SPICE1: variants seen among roughly 807,000 people sequenced by gnomAD.
SPICE1 encodes spindle and centriole-associated protein 1.
Under a neutral mutation model 102.7 loss-of-function variants are expected in SPICE1, and 75 were observed. The ratio of observed to expected loss-of-function variants is 0.73; its 90% CI spans 0.61 to 0.88. The LOEUF (loss-of-function observed/expected upper bound fraction) is 0.88. Ranked by LOEUF, SPICE1 falls within the 40% of genes least tolerant of loss-of-function variation. The pLI is 0.00. For missense variants in SPICE1, 979 were observed against 1,020.1 expected, an observed-to-expected ratio of 0.96 and a Z score of 0.55; for synonymous variants, 308 against 350.3, an observed-to-expected ratio of 0.88 and a Z score of 1.35.
intron 4 of SPICE1, among the ~76,000 whole-genome samples, chr3:113,495,159 A>T (rs1936855107): frequency 6.6e-6 from 1 of 152,204 alleles, no homozygotes; most frequent in African/African-American, 2.4e-5. Flanking sequence ...CATAATTAAA[A>T]GTAAGGCCAC....
intron 4 of SPICE1, 40 bp from the exon 5 acceptor site, chr3:113,494,182 T>C (rs1936824120): frequency 1.1e-5 from 16 of 1,395,330 alleles, no homozygotes; most frequent in Non-Finnish European, 1.5e-5. Context: ...ATTCAGATTA[T>C]ATTTACTTTT....
chr3:113,499,678 TA>T, intron 3 of SPICE1, 96 bp from the exon 4 acceptor site: 1 of 1,276,854 alleles, frequency 7.8e-7, no homozygotes, highest in Non-Finnish European at 1.0e-6. Context: ...CATCACTTTT[TA>T]AACTTTTTCT....
intron 1 of SPICE1, among the ~76,000 whole-genome samples, chr3:113,510,700 C>T (rs151233087): frequency 1.2e-4 from 18 of 152,218 alleles, no homozygotes; most frequent in African/African-American, 3.9e-4. Context: ...TCAGCACATA[C>T]ACACAGGCAA....
intron 17 of SPICE1, among the ~76,000 whole-genome samples, chr3:113,445,652 T>C (rs1935495011): frequency 2.6e-5 from 4 of 152,184 alleles, no homozygotes; most frequent in African/African-American, 4.8e-5. Context: ...AAGGCAGTTA[T>C]TTGGTCTTAG....
intron 4 of SPICE1, 23 bp from the exon 5 acceptor site, chr3:113,494,165 T>C (rs1216439786): frequency 6.8e-7 from 1 of 1,468,444 alleles, no homozygotes; most frequent in East Asian, 2.3e-5. Flanking sequence ...TAATGACAAA[T>C]ATTATTATTC....
chr3:113,499,590 GA>G lies in SPICE1; in HGVS notation c.148-9del. On this transcript the variant is annotated splice_polypyrimidine_tract_variant and intron_variant, in intron 3 of 17. Transcript: ENST00000295872. ...TATTTCATGACGGCGTACCTATACAGAAGAGAAAAGTACATAAAGGAATGTT... is the reference window on the plus strand; with the variant it reads ...TATTTCATGACGGCGTACCTATACAGAGAGAAAAGTACATAAAGGAATGTT... 6.3e-7 allele frequency: 1 copy of G among 1,586,274 alleles called. No individual in the cohort carries two copies. Among genetic ancestry groups the G allele is most frequent in the Non-Finnish European group, 8.6e-7 (1 of 1,168,184 alleles).
chr3:113,454,912 T>C (rs1314987413), intron 13 of SPICE1, among the ~76,000 whole-genome samples: 1 of 152,048 alleles, frequency 6.6e-6, no homozygotes. Flanking sequence ...GACACCACAA[T>C]CTTACACAAA....
chr3:113,450,777 C>A (rs781477064), intron 14 of SPICE1, among the ~76,000 whole-genome samples: 1 of 152,022 alleles, frequency 6.6e-6, no homozygotes, highest in Non-Finnish European at 1.5e-5. Flanking sequence ...GGGGTTTCAC[C>A]GTGTTAGCCA....
At chr3:113,497,203 T>C (rs1936910469) in intron 4 of SPICE1, among the ~76,000 whole-genome samples, 1 of 152,252 alleles carries the variant, frequency 6.6e-6, no homozygotes, top group Non-Finnish European at 1.5e-5. Flanking sequence ...TGAATGAAGC[T>C]GCTATGGCCA....
chr3:113,502,989 T>C (rs1036765173), intron 3 of SPICE1, among the ~76,000 whole-genome samples, 191 bp downstream of exon 3: 2 of 152,196 alleles, frequency 1.3e-5, no homozygotes, highest in African/African-American at 4.8e-5. Context: ...CTCTAATACA[T>C]ACTAATTGAT....
At chr3:113,486,186 T>C (rs1936643250) in intron 7 of SPICE1, among the ~76,000 whole-genome samples, 1 of 145,316 alleles carries the variant, frequency 6.9e-6, no homozygotes, top group Non-Finnish European at 1.5e-5. Flanking sequence ...ATATCAAATA[T>C]ACTGTAGTTT....
At chr3:113,481,221 A>G (rs1387676094) in intron 7 of SPICE1, among the ~76,000 whole-genome samples, 1 of 152,204 alleles carries the variant, frequency 6.6e-6, no homozygotes, top group Non-Finnish European at 1.5e-5. Flanking sequence ...AAGGCAACAC[A>G]TGGAAATCAG....
Position 113,465,669 on chromosome 3 carries a change from T to C in SPICE1, c.1271A>G (p.Glu424Gly). The C allele has an allele frequency of 1.2e-6, 2 of 1,613,744 alleles. No homozygotes were observed. The highest frequency in any genetic ancestry group is 1.7e-6 in the Non-Finnish European group (2 of 1,179,882). Residue 424 changes from glutamate (E) to glycine (G), a missense_variant, in exon 11 of 18, where the codon GAA becomes GGA. Physicochemically the swap from Glu to Gly is moderately conservative, Grantham distance 98 (BLOSUM62 -2). Coordinates refer to ENST00000295872, the MANE Select transcript of SPICE1 (RefSeq NM_144718.4). ...LTAEILRLRE[E>G]NAATQARLQQ... is the part of the protein sequence containing the mutation. ...TCTGAGTACCTGTGTAGCAGCGTTT[T>C]CTTCTCTAAGACGAAGAATTTCAGC...
In SPICE1 at chr3:113,506,562, A is replaced by T; in HGVS notation, c.44T>A (p.Val15Glu). Reference protein sequence around the residue: ...RVNRCGPRVGVRKTPKVKKKK... With the variant: ...RVNRCGPRVGERKTPKVKKKK... ...CTTCTTTACTTTCGGTGTCTTTCTT[A>T]CACCAACTCGGGGACCACAGCGGTT... Residue 15 changes from valine (V) to glutamate (E), a missense_variant, in exon 2 of 18, where the codon GTA becomes GAA. By Grantham distance (121) the Val-to-Glu change is moderately radical. Transcript: ENST00000295872. 6.2e-7 allele frequency: 1 copy of T among 1,613,628 alleles called. No homozygotes were observed. Among genetic ancestry groups the T allele is most frequent in the Non-Finnish European group, 8.5e-7 (1 of 1,179,882 alleles).
At chr3:113,503,984 T>TTGTG (rs1165214045) in intron 2 of SPICE1, among the ~76,000 whole-genome samples, 1 of 151,466 alleles carries the variant, frequency 6.6e-6, no homozygotes, top group East Asian at 1.9e-4. Flanking sequence ...GAGGTTCAAT[T>TTGTG]TGTGTCTGCA....
intron 7 of SPICE1, 104 bp downstream of exon 7, chr3:113,488,841 T>C (rs1936701386): frequency 1.5e-6 from 1 of 673,692 alleles, no homozygotes; most frequent in Non-Finnish European, 2.5e-6. Flanking sequence ...AATTTTTAAA[T>C]AAAAATAAAC....
intron 15 of SPICE1, chr3:113,449,266 C>G (rs1935585298): frequency 6.6e-6 from 1 of 152,160 alleles, no homozygotes; most frequent in Non-Finnish European, 1.5e-5. Context: ...TACTCAAATG[C>G]TAGAGTATTC....
At chr3:113,459,902 A>C in intron 12 of SPICE1, 1 of 985,102 alleles carries the variant, frequency 1.0e-6, no homozygotes, top group Non-Finnish European at 1.2e-6. Context: ...AAAAAAAAAA[A>C]ATAGCAAGAC....
intron 7 of SPICE1, among the ~76,000 whole-genome samples, chr3:113,469,588 G>A (rs1486503006): frequency 2.7e-5 from 4 of 148,266 alleles, no homozygotes; most frequent in Non-Finnish European, 4.5e-5. Flanking sequence ...TAAAAAATAG[G>A]TGCTATCATT....
Sources: gnomAD v4.1 joint callset for allele counts (sites outside exome capture counted in the v4.1 genomes callset) on GRCh38, gnomAD v4.1.1 for gene constraint, MANE v1.5 for transcripts, NCBI Gene and HGNC (gene_info 2026-07-23, HGNC 2026-07-21) for gene names.